UTRN: variants seen among roughly 807,000 people sequenced by gnomAD.
The protein encoded by UTRN is utrophin.
UTRN carries 283 observed loss-of-function variants against 463.9 expected under a neutral mutation model. That is an observed-to-expected ratio of 0.61 (90% CI 0.55 to 0.67). The LOEUF is 0.67. Ranked by LOEUF, UTRN falls within the 30% of genes least tolerant of loss-of-function variation. The pLI is 0.00. For synonymous variants in UTRN, 1,442 were observed against 1,431.5 expected (o/e 1.01, Z -0.17); for missense variants, 3,922 against 4,084.3 (o/e 0.96, Z 1.08).
intron 43 of UTRN, among the ~76,000 whole-genome samples, chr6:144,536,735 G>A (rs1270308293): frequency 6.6e-6 from 1 of 152,028 alleles, no homozygotes; most frequent in African/African-American, 2.4e-5. Context: ...AATTATAGCA[G>A]CTATAAAAAT....
Position 144,748,365 on chromosome 6 carries a change from G to A in UTRN, c.8059G>A (p.Asp2687Asn), listed in dbSNP as rs1404659054. The change falls in exon 55 of 75, where the codon GAC becomes AAC. Residue 2687 changes from aspartate to asparagine, a missense_variant. Asp to Asn is a conservative substitution (Grantham distance 23, BLOSUM62 1). This residue lies in a region of UTRN where 1,309 missense variants were observed against 1,452.6 expected (regional missense o/e 0.90). Transcript: ENST00000367545. The part of the protein sequence containing the change: ...AVTSNWQKQV[D>N]KALEKLRDLQ... Reference sequence around the variant, plus strand: ...AACTAGCAATTGGCAAAAGCAAGTGGACAAGGCATTGGAGAAACTCAGAGA... The same window carrying A: ...AACTAGCAATTGGCAAAAGCAAGTGAACAAGGCATTGGAGAAACTCAGAGA... The A allele has an allele frequency of 1.2e-6, 2 of 1,613,834 alleles. No homozygotes were observed. Among genetic ancestry groups the A allele is most frequent in the Non-Finnish European group, 1.7e-6 (2 of 1,179,906 alleles).
intron 37 of UTRN, 28 bp from the exon 38 acceptor site, chr6:144,516,201 T>A: frequency 6.2e-7 from 1 of 1,602,356 alleles, no homozygotes; most frequent in Non-Finnish European, 8.5e-7. Flanking sequence ...TAAAAATCTA[T>A]TTTCAGAGAA....
At chr6:144,700,914 AT>A (rs112417838) in intron 53 of UTRN, among the ~76,000 whole-genome samples, 86 of 109,514 alleles carry the variant, frequency 7.9e-4, no homozygotes, top group Admixed American at 1.3e-3. Context: ...TGTATTTTGT[AT>A]TTTTTTTTTT....
chr6:144,521,007 C>G (rs945935561), intron 39 of UTRN, among the ~76,000 whole-genome samples: 1 of 152,088 alleles, frequency 6.6e-6, no homozygotes, highest in Non-Finnish European at 1.5e-5. Context: ...AGAAGAGGGC[C>G]GGGCATGGTG....
intron 51 of UTRN, among the ~76,000 whole-genome samples, chr6:144,589,770 T>C (rs894421216): frequency 6.6e-6 from 1 of 152,166 alleles, no homozygotes; most frequent in Non-Finnish European, 1.5e-5. Flanking sequence ...AATGAGGAGA[T>C]GTTGGAAATC....
rs1314645995 is a variant in UTRN at position 144,405,465 on chromosome 6, G to A, written c.141+2281G>A. ...ACCGTATTCATGCCTGGTATTACTAGGTAATGCGAGGATAGAACAAGAAAA... is the reference window on the plus strand; with the variant it reads ...ACCGTATTCATGCCTGGTATTACTAAGTAATGCGAGGATAGAACAAGAAAA... On this transcript the variant is annotated intron_variant, in intron 3 of 74. Coordinates refer to ENST00000367545, the MANE Select transcript of UTRN (RefSeq NM_007124.3). 2.6e-5 allele frequency among the ~76,000 whole-genome samples: 4 copies of A among 152,016 alleles called. No homozygotes were observed. The South Asian group carries it at 8.3e-4, about 32-fold the overall frequency.
chr6:144,748,328 T>C lies in UTRN; in HGVS notation c.8022T>C (p.Ser2674=), dbSNP rs757842874. The change falls in exon 55 of 75, where the codon AGT becomes AGC. Residue 2674 remains serine (S), a synonymous_variant. Coordinates refer to ENST00000367545, the MANE Select transcript of UTRN (RefSeq NM_007124.3). ...QSSEVKEKWE[S]LNAVTSNWQK... is the part of the protein sequence containing the mutation. ...CTGAAGTCAAAGAAAAATGGGAAAG[T>C]CTAAATGCTGTAACTAGCAATTGGC... The C allele has an allele frequency of 6.2e-7, 1 of 1,613,554 alleles. No individual in the cohort carries two copies. Among genetic ancestry groups the C allele is most frequent in the South Asian group, 1.1e-5 (1 of 91,072 alleles).
intron 36 of UTRN, among the ~76,000 whole-genome samples, 169 bp downstream of exon 36, chr6:144,514,206 C>T (rs373589844): frequency 4.6e-5 from 7 of 152,140 alleles, no homozygotes; most frequent in Admixed American, 1.3e-4. Context: ...AAATAAGAGA[C>T]GAACTTGAAA....
chr6:144,399,044 A>G (rs1010158055), intron 2 of UTRN, among the ~76,000 whole-genome samples: 1 of 152,162 alleles, frequency 6.6e-6, no homozygotes, highest in African/African-American at 2.4e-5. Flanking sequence ...TGAAAACTAC[A>G]TTTTTAATTT....
At chr6:144,790,986 A>T (rs576191404) in intron 62 of UTRN, among the ~76,000 whole-genome samples, 11 of 152,316 alleles carry the variant, frequency 7.2e-5, no homozygotes, top group African/African-American at 2.6e-4. Context: ...GAAATTTCTG[A>T]TATTTAATTG....
chr6:144,451,295 G>C (rs1033176565), intron 17 of UTRN, 75 bp from the exon 18 acceptor site: 1 of 1,531,568 alleles, frequency 6.5e-7, no homozygotes. Context: ...ATGAGCATTT[G>C]AGTTGCTCTT....
chr6:144,543,713 G>C (rs1312808064), intron 46 of UTRN, among the ~76,000 whole-genome samples: 1 of 151,280 alleles, frequency 6.6e-6, no homozygotes, highest in South Asian at 2.1e-4. Flanking sequence ...TTTTGGGAGG[G>C]TTCTTTTTAT....
intron 23 of UTRN, among the ~76,000 whole-genome samples, chr6:144,470,143 C>T (rs1790378257): frequency 6.6e-6 from 1 of 152,254 alleles, no homozygotes; most frequent in South Asian, 2.1e-4. Flanking sequence ...TCCTTCTTTT[C>T]CCCACACTTC....
Position 144,479,816 on chromosome 6 carries a change from C to T in UTRN, c.3341C>T (p.Ala1114Val), listed in dbSNP as rs148321872. 1,055 of 1,612,418 alleles carry T rather than the reference C, an allele frequency of 6.5e-4. 1 individual carries two copies. Among genetic ancestry groups the T allele is most frequent in the Non-Finnish European group, 8.2e-4 (971 of 1,179,322 alleles). Residue 1114 changes from alanine (A) to valine (V), a missense_variant, in exon 26 of 75, where the codon GCT (alanine) becomes GTT (valine). Coordinates refer to ENST00000367545, the MANE Select transcript of UTRN (RefSeq NM_007124.3). ...TQLEKLSKEI[A>V]TQKSRLSESQ... ...GGAATGGCTTTTCCTTTGTAGATCG[C>T]TACTCAAAAAAGTAGGTTGTCTGAA...
chr6:144,345,633 G>A (rs369151642), intron 2 of UTRN, among the ~76,000 whole-genome samples: 2 of 152,224 alleles, frequency 1.3e-5, no homozygotes, highest in South Asian at 4.1e-4. Flanking sequence ...CGATCATGCC[G>A]CTGCATTCCA....
At chr6:144,843,001 T>A (rs1179762134) in intron 73 of UTRN, among the ~76,000 whole-genome samples, 1 of 152,212 alleles carries the variant, frequency 6.6e-6, no homozygotes, top group East Asian at 1.9e-4. Context: ...TAATTATAAT[T>A]CAAGGTCAAA....
At chr6:144,725,992 A>G (rs1787837288) in intron 53 of UTRN, among the ~76,000 whole-genome samples, 1 of 151,666 alleles carries the variant, frequency 6.6e-6, no homozygotes, top group South Asian at 2.1e-4. Flanking sequence ...TTCGCGAGAC[A>G]TTCTCCAGCC....
chr6:144,504,944 G>A (rs1436533456), intron 34 of UTRN, among the ~76,000 whole-genome samples: 5 of 152,014 alleles, frequency 3.3e-5, no homozygotes, highest in African/African-American at 9.7e-5. Context: ...AGAACTTGTT[G>A]TTGGTCTATT....
At chr6:144,675,367 G>A (rs768432503) in intron 51 of UTRN, among the ~76,000 whole-genome samples, 1 of 152,230 alleles carries the variant, frequency 6.6e-6, no homozygotes, top group Non-Finnish European at 1.5e-5. Context: ...CTGCAGGGGA[G>A]TGAAGTGGAC....
Sources: gnomAD v4.1 joint callset for allele counts (sites outside exome capture counted in the v4.1 genomes callset) on GRCh38, gnomAD v4.1.1 for gene constraint, gnomAD v4.1.1 regional missense constraint, MANE v1.5 for transcripts, NCBI Gene and HGNC (gene_info 2026-07-23, HGNC 2026-07-21) for gene names.